LGR5: variants seen among roughly 807,000 people sequenced by gnomAD.
LGR5 encodes leucine rich repeat containing G protein-coupled receptor 5, also known as leucine-rich repeat-containing G protein-coupled receptor 5.
In LGR5, 54 loss-of-function variants were observed where a neutral mutation model predicts 76.7. The ratio of observed to expected loss-of-function variants is 0.70; its 90% CI spans 0.57 to 0.88. The LOEUF is 0.88. Ranked by LOEUF, LGR5 falls within the 40% of genes least tolerant of loss-of-function variation. The pLI is 0.00. For missense variants in LGR5, 1,078 were observed against 1,073.3 expected (o/e 1.00, Z -0.06); for synonymous variants, 406 against 421.9 (o/e 0.96, Z 0.46).
Position 71,439,935 on chromosome 12 carries a change from G to C in LGR5, c.-146G>C. On this transcript the variant is annotated 5_prime_UTR_variant, in exon 1 of 18. Coordinates refer to ENST00000266674, the MANE Select transcript of LGR5 (RefSeq NM_003667.4). Reference sequence around the variant, plus strand: ...CGCGCTTCTCCTCGCCGCCCACGCCGTGGGGTCAGGAACGCGGCGTCTGGC... The same window carrying C: ...CGCGCTTCTCCTCGCCGCCCACGCCCTGGGGTCAGGAACGCGGCGTCTGGC... 1 of 680,634 alleles carries C rather than the reference G, an allele frequency of 1.5e-6. No homozygotes were observed. Among genetic ancestry groups the C allele is most frequent in the South Asian group, 2.0e-5 (1 of 50,240 alleles). The allele number at this position is 680,634 out of a possible 1,614,324, so 42.2% of individuals were successfully genotyped here. A position where few individuals can be genotyped will look rare whatever the true frequency, so the allele number is the denominator to read the frequency against.
In LGR5 at chr12:71,567,357, C is replaced by G. The variant is rs1300414763; in HGVS notation, c.1070+445C>G. On this transcript the variant is annotated intron_variant, in intron 11 of 17. Transcript: ENST00000266674. ...CCAGTATAGTTGTCAATGCCATGTT[C>G]TAATGTTTCCTGTAATGGTTAAACA... The G allele has an allele frequency of 1.8e-5, 3 of 170,184 alleles. No individual in the cohort carries two copies. In the South Asian group the frequency reaches 4.5e-4, roughly 26 times the overall value. The allele number at this position is 170,184 out of a possible 1,614,324, so 10.5% of individuals were successfully genotyped here.
At chr12:71,496,668 A>C (rs1178743191) in intron 1 of LGR5, among the ~76,000 whole-genome samples, 1 of 152,212 alleles carries the variant, frequency 6.6e-6, no homozygotes, top group Non-Finnish European at 1.5e-5. Flanking sequence ...ATAGTCACAA[A>C]CTAAAAACAA....
chr12:71,443,339 T>C lies in LGR5; in HGVS notation c.212+3047T>C, dbSNP rs192193928. Among the ~76,000 whole-genome samples, 101 of 152,348 alleles carry C rather than the reference T, an allele frequency of 6.6e-4. 2 individuals carry two copies. In the East Asian group the frequency reaches 0.015, roughly 23 times the overall value. On this transcript the variant is annotated intron_variant, in intron 1 of 17. Coordinates refer to ENST00000266674, the MANE Select transcript of LGR5 (RefSeq NM_003667.4). ...AAGCCAGTGCAAATATTAATATTGA[T>C]TCTCTTTTCTTACTGAGCTGCCTTC...
intron 3 of LGR5, among the ~76,000 whole-genome samples, chr12:71,531,215 T>C (rs1390723375): frequency 6.6e-6 from 1 of 152,204 alleles, no homozygotes; most frequent in Non-Finnish European, 1.5e-5. Context: ...ATATTCAGTA[T>C]CTTTATATTG....
intron 5 of LGR5, among the ~76,000 whole-genome samples, chr12:71,555,533 C>T (rs1461526752): frequency 6.6e-5 from 10 of 152,190 alleles, no homozygotes; most frequent in African/African-American, 2.4e-4. Flanking sequence ...TTACCATTGC[C>T]TGTGACTGAA....
chr12:71,549,513 A>G (rs1877370623), intron 4 of LGR5, among the ~76,000 whole-genome samples: 1 of 152,218 alleles, frequency 6.6e-6, no homozygotes, highest in Non-Finnish European at 1.5e-5. Context: ...TGATTTAATC[A>G]TTTTACAATG....
At chr12:71,506,702 C>G (rs1237573190) in intron 2 of LGR5, among the ~76,000 whole-genome samples, 1 of 152,166 alleles carries the variant, frequency 6.6e-6, no homozygotes, top group Admixed American at 6.5e-5. Context: ...GCTAAGCTGG[C>G]TGACTTGCTG....
At chr12:71,494,880 G>T (rs2137286273) in intron 1 of LGR5, among the ~76,000 whole-genome samples, 1 of 151,202 alleles carries the variant, frequency 6.6e-6, no homozygotes, top group Non-Finnish European at 1.5e-5. Flanking sequence ...TTTGATCTCT[G>T]GTTACAACAG....
chr12:71,518,371 G>A (rs983839446), intron 2 of LGR5, among the ~76,000 whole-genome samples: 10 of 152,264 alleles, frequency 6.6e-5, no homozygotes, highest in Middle Eastern at 3.4e-3. Flanking sequence ...CAAGATCGTG[G>A]AGAAAAAGGA....
chr12:71,448,623 C>T (rs115955330), intron 1 of LGR5: 53 of 150,842 alleles, frequency 3.5e-4, no homozygotes, highest in East Asian at 2.7e-3. Flanking sequence ...TAAATCTATC[C>T]GCACAAAATA....
intron 11 of LGR5, among the ~76,000 whole-genome samples, chr12:71,570,312 A>T (rs555791506): frequency 1.1e-4 from 16 of 152,252 alleles, no homozygotes; most frequent in African/African-American, 3.1e-4. Flanking sequence ...CCAGAATTTT[A>T]AAAAAATAAA....
rs1878357604 is a variant in LGR5 at position 71,566,617 on chromosome 12, T to G, written c.930-15T>G. On this transcript the variant is annotated splice_polypyrimidine_tract_variant and intron_variant, in intron 9 of 17. Transcript: ENST00000266674. ...GAATCTTCTACCAGTAATACTTATA[T>G]ACTCCTCTTTCTAGGACTCTGAATG... 6.2e-7 allele frequency: 1 copy of G among 1,603,480 alleles called. No individual in the cohort carries two copies. The highest frequency in any genetic ancestry group is 2.2e-5 in the East Asian group (1 of 44,824).
chr12:71,441,907 C>G (rs955747619), intron 1 of LGR5: 1 of 152,180 alleles, frequency 6.6e-6, no homozygotes, highest in African/African-American at 2.4e-5. Flanking sequence ...GCAGAATACT[C>G]ATCCCCAACC....
In LGR5 at chr12:71,535,511, T is replaced by TA. The variant is rs5799043; in HGVS notation, c.428+337dup. ...TAAGAAATAGTGCTTTCCTTTTACC[T>TA]AAAAAAAAAAAATAGATGCTGTAAT... is the stretch of plus-strand genomic sequence containing the variant. On this transcript the variant is annotated intron_variant, in intron 4 of 17. Coordinates refer to ENST00000266674, the MANE Select transcript of LGR5 (RefSeq NM_003667.4). Among the ~76,000 whole-genome samples, 52 of 150,452 alleles carry TA rather than the reference T, an allele frequency of 3.5e-4. No homozygotes were observed. In the South Asian group the frequency reaches 7.8e-3, roughly 23 times the overall value.
chr12:71,457,644 G>A (rs1227617283), intron 1 of LGR5, among the ~76,000 whole-genome samples: 2 of 152,098 alleles, frequency 1.3e-5, no homozygotes, highest in Admixed American at 6.5e-5. Context: ...ACTAAACAAG[G>A]TTACCAAAGG....
chr12:71,582,377 C>A, intron 16 of LGR5, 79 bp from the exon 17 acceptor site: 2 of 1,146,572 alleles, frequency 1.7e-6, no homozygotes, highest in Non-Finnish European at 2.6e-6. Context: ...TCCAGAATAA[C>A]CCAGGACTCT....
intron 1 of LGR5, chr12:71,441,461 G>A (rs1871765935): frequency 6.6e-6 from 1 of 152,276 alleles, no homozygotes; most frequent in Non-Finnish European, 1.5e-5. Flanking sequence ...CGGCTTCTCT[G>A]ATGTACCTTG....
intron 2 of LGR5, among the ~76,000 whole-genome samples, chr12:71,511,123 G>C (rs1414682220): frequency 6.6e-6 from 1 of 152,206 alleles, no homozygotes; most frequent in Non-Finnish European, 1.5e-5. Flanking sequence ...ATGCAAAATA[G>C]ATTGGGGAAT....
chr12:71,514,803 T>C (rs1875355249), intron 2 of LGR5, among the ~76,000 whole-genome samples: 1 of 152,150 alleles, frequency 6.6e-6, no homozygotes, highest in African/African-American at 2.4e-5. Flanking sequence ...TTTGACAAAT[T>C]GGATATGCTT....
Sources: gnomAD v4.1 joint callset for allele counts (sites outside exome capture counted in the v4.1 genomes callset) on GRCh38, gnomAD v4.1.1 for gene constraint, MANE v1.5 for transcripts, NCBI Gene and HGNC (gene_info 2026-07-23, HGNC 2026-07-21) for gene names.